The following PKD1L3 variants were observed in gnomAD, a reference collection of about 807,000 sequenced individuals.
PKD1L3 encodes the protein polycystin-1-like protein 3.
PKD1L3 carries 239 observed loss-of-function variants against 184.1 expected under a neutral mutation model. The ratio of observed to expected loss-of-function variants is 1.30; its 90% CI spans 1.17 to 1.45. The LOEUF (loss-of-function observed/expected upper bound fraction) is 1.45, where lower values mean the gene tolerates loss of function less well. PKD1L3 is among the 40% of genes most tolerant of loss of function. PKD1L3 has a pLI of 0.00. For missense variants in PKD1L3, 2,660 were observed against 2,067.2 expected (o/e 1.29, Z -5.56); for synonymous variants, 996 against 778.8 (o/e 1.28, Z -4.64).
At position 71,963,078 on chromosome 16, in the gene PKD1L3, T is replaced by C. The variant is rs974421974; in HGVS notation, c.2612+127A>G. 3 of 1,030,642 alleles carry C rather than the reference T, an allele frequency of 2.9e-6. No homozygotes were observed. The African/African-American group carries it at 4.9e-5, about 17-fold the overall frequency. 63.8% of individuals were successfully genotyped at this position (1,030,642 alleles called of 1,614,324 possible). A position where few individuals can be genotyped will look rare whatever the true frequency, so the allele number is the denominator to read the frequency against. ...ACACCAGTTACAACCACAACAGTAA[T>C]GCTTATGTATGTTTGAAATAATACA... On this transcript the variant is annotated intron_variant, in intron 16 of 29. Coordinates refer to ENST00000620267, the MANE Select transcript of PKD1L3 (RefSeq NM_181536.2).
chr16:71,955,258 G>A (rs1294070817), intron 16 of PKD1L3, among the ~76,000 whole-genome samples: 2 of 151,996 alleles, frequency 1.3e-5, no homozygotes, highest in Non-Finnish European at 2.9e-5. Flanking sequence ...AGGGGTGGAA[G>A]GGATGGTATG....
At chr16:71,938,469 T>A (rs966144502) in intron 24 of PKD1L3, among the ~76,000 whole-genome samples, 9 of 152,300 alleles carry the variant, frequency 5.9e-5, no homozygotes, top group African/African-American at 2.2e-4. Context: ...AAGGGGCAGG[T>A]CCCCAGTAAA....
In PKD1L3 at chr16:71,942,993, A is replaced by G. The variant is rs767891169; in HGVS notation, c.3891T>C (p.Thr1297=). ...TGGAGTTCTTTGCAGAGTAGATTGC[A>G]GTCATCAACAGGGTAAGGAAGAGGA... ...VQILFLTLLM[T]AIYSAKNSNR... Residue 1297 remains threonine, a synonymous_variant, in exon 24 of 30, where the codon ACT becomes ACC. Transcript: ENST00000620267. 6.4e-7 allele frequency: 1 copy of G among 1,551,346 alleles called. No homozygotes were observed. The highest frequency in any genetic ancestry group is 1.2e-5 in the South Asian group (1 of 84,058).
intron 24 of PKD1L3, among the ~76,000 whole-genome samples, chr16:71,939,145 A>G (rs1048175624): frequency 6.6e-6 from 1 of 152,352 alleles, no homozygotes; most frequent in Middle Eastern, 3.4e-3. Context: ...CATGCAGTAC[A>G]TCTGGTCCAG....
chr16:71,979,232 T>G (rs1212511071), intron 9 of PKD1L3, among the ~76,000 whole-genome samples: 2 of 151,984 alleles, frequency 1.3e-5, no homozygotes, highest in Non-Finnish European at 2.9e-5. Context: ...TCACTTGAGG[T>G]CCGTAGTTTG....
At chr16:71,935,819 G>A (rs545621446) in intron 25 of PKD1L3, among the ~76,000 whole-genome samples, 4 of 152,178 alleles carry the variant, frequency 2.6e-5, no homozygotes, top group Admixed American at 6.5e-5. Flanking sequence ...AGACAGGGTC[G>A]CGCTCTGTTG....
chr16:71,948,364 T>C (rs886168563), intron 21 of PKD1L3, among the ~76,000 whole-genome samples: 12 of 152,180 alleles, frequency 7.9e-5, no homozygotes, highest in African/African-American at 2.7e-4. Context: ...TTTACAGGCG[T>C]GAGCCCCCAC....
rs71153688 is a variant in PKD1L3 at position 71,976,264 on chromosome 16, C to CTT, written c.1759+970_1759+971dup. Reference sequence around the variant, plus strand: ...ATGAGCCACTGAGTGCCCAGCCTGTCTTTTTTTTTTTTTTTTAAGACAGTC... The same window carrying CTT: ...ATGAGCCACTGAGTGCCCAGCCTGTCTTTTTTTTTTTTTTTTTTAAGACAGTC... On this transcript the variant is annotated intron_variant, in intron 11 of 29. Transcript: ENST00000620267. Among the ~76,000 whole-genome samples the CTT allele has an allele frequency of 1.1e-3, 93 of 81,768 alleles. 3 individuals carry two copies. The highest frequency in any genetic ancestry group is 4.4e-3 in the South Asian group (8 of 1,812). The allele number at this position is 81,768 out of a possible 152,430, so 53.6% of individuals were successfully genotyped here. A position where few individuals can be genotyped will look rare whatever the true frequency, so the allele number is the denominator to read the frequency against.
intron 11 of PKD1L3, 118 bp downstream of exon 11, chr16:71,977,118 C>T: frequency 6.5e-6 from 5 of 765,278 alleles, no homozygotes; most frequent in Non-Finnish European, 4.3e-6. Flanking sequence ...GAGGCTAAGG[C>T]AGGAGGATCC....
At chr16:71,957,731 C>T (rs905562933) in intron 16 of PKD1L3, among the ~76,000 whole-genome samples, 5 of 152,088 alleles carry the variant, frequency 3.3e-5, no homozygotes, top group Admixed American at 3.3e-4. Context: ...CAGGAGGTTG[C>T]AGTGAGCCAA....
intron 24 of PKD1L3, among the ~76,000 whole-genome samples, chr16:71,938,305 C>T (rs1198845761): frequency 5.3e-5 from 8 of 152,244 alleles, no homozygotes; most frequent in Non-Finnish European, 7.3e-5. Flanking sequence ...CGGCCTTCTC[C>T]GAACTTTGGA....
At chr16:71,945,305 TACACACACACAC>T (rs377392088) in intron 22 of PKD1L3, among the ~76,000 whole-genome samples, 63 of 59,380 alleles carry the variant, frequency 1.1e-3, no homozygotes, top group African/African-American at 1.6e-3. Flanking sequence ...TATATATATA[TACACACACACAC>T]ACACATATAT....
At position 71,937,389 on chromosome 16, in the gene PKD1L3, C is replaced by A; in HGVS notation, c.4355G>T (p.Ser1452Ile). The A allele has an allele frequency of 6.4e-7, 1 of 1,551,662 alleles. No homozygotes were observed. ...GAFFTSLRLE[S>I]FTSLQMSKKG... ...CTTTGACATCTGAAGGGAAGTGAAG[C>A]TTTCCAGTCTCAAAGAGGTGAAGAA... The change falls in exon 25 of 30, where the codon AGC becomes ATC. Residue 1452 changes from serine to isoleucine, a missense_variant. Physicochemically the swap from Ser to Ile is moderately radical, Grantham distance 142. Coordinates refer to ENST00000620267, the MANE Select transcript of PKD1L3 (RefSeq NM_181536.2).
At chr16:71,980,592 G>A (rs1331402625) in intron 7 of PKD1L3, among the ~76,000 whole-genome samples, 2 of 152,120 alleles carry the variant, frequency 1.3e-5, no homozygotes, top group African/African-American at 4.8e-5. Context: ...CCAACACTTT[G>A]GGAGGCTGAG....
At position 71,937,378 on chromosome 16, in the gene PKD1L3, G is replaced by A. The variant is rs1224018761; in HGVS notation, c.4366C>T (p.Leu1456Phe). ...ACACAGCCCTTCTTTGACATCTGAA[G>A]GGAAGTGAAGCTTTCCAGTCTCAAA... ...TSLRLESFTS[L>F]QMSKKGCVWS... is the part of the protein sequence containing the mutation. The change falls in exon 25 of 30, where the codon CTT becomes TTT. Residue 1456 changes from leucine (L) to phenylalanine (F), a missense_variant. By Grantham distance (22) the Leu-to-Phe change is conservative. Transcript: ENST00000620267. 4 of 1,551,544 alleles carry A rather than the reference G, an allele frequency of 2.6e-6. No homozygotes were observed. The highest frequency in any genetic ancestry group is 3.5e-6 in the Non-Finnish European group (4 of 1,146,974).
chr16:71,971,661 A>G (rs2039714804), intron 12 of PKD1L3, among the ~76,000 whole-genome samples: 4 of 152,232 alleles, frequency 2.6e-5, no homozygotes, highest in African/African-American at 9.6e-5. Flanking sequence ...CACTGGGATC[A>G]GCTGGAAGCT....
chr16:71,950,427 G>A, intron 19 of PKD1L3, 117 bp from the exon 20 acceptor site: 1 of 900,478 alleles, frequency 1.1e-6, no homozygotes, highest in Non-Finnish European at 1.6e-6. Flanking sequence ...ACTACTAGCA[G>A]AGATTGGACC....
In PKD1L3 at chr16:71,998,373, G is replaced by A. The variant is rs1488992289; in HGVS notation, c.317C>T (p.Pro106Leu). Residue 106 changes from proline (P) to leucine (L), a missense_variant, in exon 2 of 30, where the codon CCC becomes CTC. Transcript: ENST00000620267. ...GTAGGTGCAGCTGAGGGGCTTTGGG[G>A]GCCCGTTGGCTGCAACGTCTGCTGA... ...KYPADVAANG[P>L]PKPLSCTYLS... The A allele has an allele frequency of 6.4e-7, 1 of 1,551,496 alleles. No individual in the cohort carries two copies. Among genetic ancestry groups the A allele is most frequent in the African/African-American group, 1.4e-5 (1 of 72,992 alleles).
At chr16:71,984,227 C>A in intron 5 of PKD1L3, 60 bp from the exon 6 acceptor site, 1 of 1,491,102 alleles carries the variant, frequency 6.7e-7, no homozygotes, top group South Asian at 1.2e-5. Context: ...CTGTAGTAGT[C>A]AGGGAGATTA....
Sources: gnomAD v4.1 joint callset for allele counts (sites outside exome capture counted in the v4.1 genomes callset) on GRCh38, gnomAD v4.1.1 for gene constraint, MANE v1.5 for transcripts, NCBI Gene and HGNC (gene_info 2026-07-23, HGNC 2026-07-21) for gene names.